Variants in EPB41L4B observed in about 807,000 individuals in gnomAD.
EPB41L4B encodes erythrocyte membrane protein band 4.1 like 4B.
In EPB41L4B, 30 loss-of-function variants were observed where a neutral mutation model predicts 112.5. The observed-to-expected ratio is 0.27, with a 90% CI of 0.20 to 0.36. The LOEUF (loss-of-function observed/expected upper bound fraction) is 0.36, where lower values mean the gene tolerates loss of function less well. Ranked by LOEUF, EPB41L4B falls within the 10% of genes least tolerant of loss-of-function variation. The probability of loss-of-function intolerance (pLI) is 1.00; values close to 1 mark genes in which losing one functional copy is unlikely to be tolerated. For synonymous variants in EPB41L4B, 408 were observed against 439.7 expected, an observed-to-expected ratio of 0.93 and a Z score of 0.90; for missense variants, 1,024 against 1,133.3, an observed-to-expected ratio of 0.90 and a Z score of 1.38.
chr9:109,196,900 A>G (rs988409683), intron 20 of EPB41L4B, among the ~76,000 whole-genome samples: 3 of 152,176 alleles, frequency 2.0e-5, no homozygotes, highest in Non-Finnish European at 2.9e-5. Context: ...ACTTGTTCAC[A>G]GCACCTGAAT....
At chr9:109,180,174 C>T (rs10759333) in intron 24 of EPB41L4B, among the ~76,000 whole-genome samples, 65,852 of 151,962 alleles carry the variant, frequency 0.43, 14,980 homozygotes, top group African/African-American at 0.54. Context: ...TGACCCCGCC[C>T]GCCCTGGGGG....
intron 14 of EPB41L4B, among the ~76,000 whole-genome samples, chr9:109,244,013 G>C (rs1834450371): frequency 6.6e-6 from 1 of 152,192 alleles, no homozygotes; most frequent in African/African-American, 2.4e-5. Flanking sequence ...CTTCCCAAGG[G>C]AAGAGGCGGA....
At chr9:109,243,287 C>T (rs919017124) in intron 15 of EPB41L4B, among the ~76,000 whole-genome samples, 1 of 134,714 alleles carries the variant, frequency 7.4e-6, no homozygotes, top group African/African-American at 2.8e-5. Context: ...GCTTTCATCA[C>T]ATTTAAAGTA....
chr9:109,216,837 G>T, intron 16 of EPB41L4B, 85 bp downstream of exon 16: 1 of 1,350,044 alleles, frequency 7.4e-7, no homozygotes, highest in Non-Finnish European at 1.1e-6. Flanking sequence ...GCACCGCAAG[G>T]GTCTGTCTTA....
chr9:109,251,378 T>C (rs912229250), intron 13 of EPB41L4B, 103 bp downstream of exon 13: 7 of 1,138,688 alleles, frequency 6.1e-6, no homozygotes, highest in Non-Finnish European at 9.3e-6. Context: ...AATTACCAGA[T>C]GACACACTTC....
intron 14 of EPB41L4B, among the ~76,000 whole-genome samples, chr9:109,244,542 G>A (rs748303115): frequency 7.2e-6 from 1 of 139,598 alleles, no homozygotes; most frequent in Non-Finnish European, 1.5e-5. Flanking sequence ...GGGTTCAAGC[G>A]ATTCTCCTGC....
chr9:109,258,400 C>T, intron 6 of EPB41L4B, 103 bp from the exon 7 acceptor site: 3 of 1,245,224 alleles, frequency 2.4e-6, no homozygotes, highest in Non-Finnish European at 3.4e-6. Context: ...AAGCACAGCC[C>T]CCCGCCCCAA....
At chr9:109,215,316 G>C (rs1833322899) in intron 16 of EPB41L4B, among the ~76,000 whole-genome samples, 2 of 152,228 alleles carry the variant, frequency 1.3e-5, no homozygotes, top group East Asian at 3.9e-4. Context: ...GTCTCACTCT[G>C]TCGCCCAGGC....
At chr9:109,212,129 T>C (rs1305875833) in intron 17 of EPB41L4B, among the ~76,000 whole-genome samples, 1 of 152,168 alleles carries the variant, frequency 6.6e-6, no homozygotes. Flanking sequence ...CAAACTGCTG[T>C]TGTCAACGCT....
chr9:109,255,925 T>C, intron 9 of EPB41L4B, 82 bp from the exon 10 acceptor site: 1 of 1,396,952 alleles, frequency 7.2e-7, no homozygotes. Flanking sequence ...TTTCTACTTT[T>C]AAAGCTTAGA....
intron 22 of EPB41L4B, among the ~76,000 whole-genome samples, chr9:109,186,263 C>T (rs1051253409): frequency 2.6e-5 from 4 of 151,108 alleles, no homozygotes; most frequent in African/African-American, 9.7e-5. Context: ...TCTCAGCTCA[C>T]TGCAACCTTT....
intron 15 of EPB41L4B, among the ~76,000 whole-genome samples, chr9:109,232,262 T>G (rs1044684790): frequency 2.6e-4 from 40 of 152,000 alleles, no homozygotes; most frequent in African/African-American, 8.5e-4. Flanking sequence ...AAAGTTTTGG[T>G]ATTACAAGCA....
intron 1 of EPB41L4B, among the ~76,000 whole-genome samples, chr9:109,291,868 T>C (rs180725617): frequency 6.6e-6 from 1 of 152,280 alleles, no homozygotes; most frequent in Non-Finnish European, 1.5e-5. Context: ...CGCACTGGCT[T>C]CGACTCACGG....
chr9:109,302,126 G>C (rs1836992985), intron 1 of EPB41L4B, among the ~76,000 whole-genome samples: 1 of 152,184 alleles, frequency 6.6e-6, no homozygotes, highest in Admixed American at 6.5e-5. Flanking sequence ...AAAAACCATA[G>C]AGTTCTCTGC....
intron 3 of EPB41L4B, 131 bp downstream of exon 3, chr9:109,268,260 A>AAT: frequency 1.2e-6 from 1 of 801,454 alleles, no homozygotes; most frequent in Non-Finnish European, 2.0e-6. Flanking sequence ...ATTAAAAATC[A>AAT]TCCACTTAAT....
At position 109,221,702 on chromosome 9, in the gene EPB41L4B, G is replaced by A. The variant is rs1833578280; in HGVS notation, c.1410-4557C>T. Among the ~76,000 whole-genome samples, 2 of 152,222 alleles carry A rather than the reference G, an allele frequency of 1.3e-5. 1 individual carries two copies. Among genetic ancestry groups the A allele is most frequent in the South Asian group, 4.1e-4 (2 of 4,826 alleles). On this transcript the variant is annotated intron_variant, in intron 15 of 25. Coordinates refer to ENST00000374566, the MANE Select transcript of EPB41L4B (RefSeq NM_019114.5). ...ATAGAAAAAAAGAGGTGGCAAATGA[G>A]AGCTGCTTTGAGCAGAGAAAATTAT...
chr9:109,242,847 TAAAA>T (rs11292845), intron 15 of EPB41L4B, among the ~76,000 whole-genome samples: 5 of 127,138 alleles, frequency 3.9e-5, no homozygotes, highest in Non-Finnish European at 5.0e-5. Context: ...AAGCTAGCCT[TAAAA>T]AAAAAAAAAA....
chr9:109,237,012 T>A (rs1403809945), intron 15 of EPB41L4B, among the ~76,000 whole-genome samples: 1 of 152,042 alleles, frequency 6.6e-6, no homozygotes, highest in East Asian at 1.9e-4. Flanking sequence ...GTTCAGGGAG[T>A]TCTTTAATGA....
intron 4 of EPB41L4B, among the ~76,000 whole-genome samples, chr9:109,265,776 ACTGCCTGTGCT>A (rs1191975304): frequency 6.6e-6 from 1 of 152,218 alleles, no homozygotes; most frequent in Admixed American, 6.5e-5. Flanking sequence ...AAAAACCAAA[ACTGCCTGTGCT>A]CTGCTCCCTA....
Sources: allele counts gnomAD v4.1 joint callset (sites outside exome capture counted in the v4.1 genomes callset), GRCh38; gene constraint gnomAD v4.1.1; transcripts MANE v1.5; gene names NCBI Gene and HGNC (gene_info 2026-07-23, HGNC 2026-07-21).